The following MORC3 variants were observed in gnomAD, a reference collection of about 807,000 sequenced individuals.
The protein encoded by MORC3 is MORC family CW-type zinc finger protein 3.
A neutral mutation model predicts 109.1 loss-of-function variants in MORC3; 31 were observed. The ratio of observed to expected loss-of-function variants is 0.28; its 90% confidence interval spans 0.21 to 0.38. The LOEUF is 0.38. Among genes scored for constraint, MORC3 ranks in the 10% least tolerant of loss-of-function variants. The pLI is 1.00. For synonymous variants in MORC3, 395 were observed against 380.7 expected (o/e 1.04, Z -0.44); for missense variants, 867 against 1,135.8 (o/e 0.76, Z 3.40).
At chr21:36,340,426 C>CA (rs1319312065) in intron 5 of MORC3, among the ~76,000 whole-genome samples, 3 of 151,994 alleles carry the variant, frequency 2.0e-5, no homozygotes, top group African/African-American at 7.2e-5. Flanking sequence ...CTCATAACCC[C>CA]ACTCCCTCCT....
At chr21:36,338,056 C>A in intron 4 of MORC3, 110 bp downstream of exon 4, 1 of 1,062,754 alleles carries the variant, frequency 9.4e-7, no homozygotes, top group South Asian at 1.5e-5. Flanking sequence ...AACACCTATT[C>A]CATTTCTTAC....
At chr21:36,370,456 C>T (rs1468653095) in intron 15 of MORC3, among the ~76,000 whole-genome samples, 3 of 151,484 alleles carry the variant, frequency 2.0e-5, no homozygotes, top group Admixed American at 2.0e-4. Flanking sequence ...CTCATTAATA[C>T]AGTTAATTAT....
At chr21:36,345,845 C>G (rs1156934408) in intron 8 of MORC3, among the ~76,000 whole-genome samples, 1 of 151,824 alleles carries the variant, frequency 6.6e-6, no homozygotes, top group Non-Finnish European at 1.5e-5. Context: ...GTGTGAGCCA[C>G]CGCGCCCGGC....
At chr21:36,351,759 A>C (rs144438296) in intron 9 of MORC3, among the ~76,000 whole-genome samples, 4 of 152,210 alleles carry the variant, frequency 2.6e-5, no homozygotes, top group Admixed American at 2.6e-4. Context: ...TATAGTTGCT[A>C]TGGAGAATAG....
At chr21:36,368,291 T>C (rs577507985) in intron 14 of MORC3, among the ~76,000 whole-genome samples, 1 of 150,988 alleles carries the variant, frequency 6.6e-6, no homozygotes, top group Non-Finnish European at 1.5e-5. Context: ...TGATTACTGA[T>C]AAAAATTATT....
intron 16 of MORC3, among the ~76,000 whole-genome samples, chr21:36,374,203 C>T (rs1036516496): frequency 3.3e-5 from 5 of 152,090 alleles, no homozygotes; most frequent in Non-Finnish European, 5.9e-5. Flanking sequence ...AATTCTCCTG[C>T]CTCAGCCTCA....
chr21:36,337,480 C>T (rs2085387054), intron 3 of MORC3, among the ~76,000 whole-genome samples: 1 of 151,810 alleles, frequency 6.6e-6, no homozygotes, highest in Non-Finnish European at 1.5e-5. Flanking sequence ...ATTTGGTTTC[C>T]TTATTTCAGA....
At position 36,336,856 on chromosome 21, in the gene MORC3, C is replaced by G. The variant is rs547674940; in HGVS notation, c.113-18C>G. On this transcript the variant is annotated intron_variant, in intron 2 of 16. Coordinates refer to ENST00000400485, the MANE Select transcript of MORC3 (RefSeq NM_015358.3). ...TTAAAGTGTAAAATCAGAATTTCTTCAAACTTGTGTTTCCCAGATAATGCT... is the reference window on the plus strand; with the variant it reads ...TTAAAGTGTAAAATCAGAATTTCTTGAAACTTGTGTTTCCCAGATAATGCT... 1.3e-6 allele frequency: 2 copies of G among 1,583,924 alleles called. No individual in the cohort carries two copies. The highest frequency in any genetic ancestry group is 2.7e-5 in the African/African-American group (2 of 73,874).
Position 36,352,994 on chromosome 21 carries a change from A to G in MORC3, c.1103+3586A>G, listed in dbSNP as rs116443400. Among the ~76,000 whole-genome samples the G allele has an allele frequency of 4.5e-3, 682 of 151,860 alleles. 3 individuals are homozygous for G. The highest frequency in any genetic ancestry group is 0.016 in the African/African-American group (653 of 41,448). On this transcript the variant is annotated intron_variant, in intron 9 of 16. Coordinates refer to ENST00000400485, the MANE Select transcript of MORC3 (RefSeq NM_015358.3). ...TCTAAAAAAAAAAAAAAAGAAAACC[A>G]TCTATTAACATGTATTTCATATGTT...
intron 5 of MORC3, chr21:36,339,266 C>T (rs560975326): frequency 6.0e-6 from 1 of 166,348 alleles, no homozygotes; most frequent in Non-Finnish European, 1.3e-5. Context: ...ATTACAGTCG[C>T]CTGCCACCAT....
intron 3 of MORC3, 31 bp from the exon 4 acceptor site, chr21:36,337,697 GTATT>G (rs2085389744): frequency 2.3e-6 from 3 of 1,293,342 alleles, no homozygotes; most frequent in Non-Finnish European, 3.2e-6. Flanking sequence ...TTGATTATAG[GTATT>G]TATTTTTAAA....
At chr21:36,374,299 C>G (rs1034056618) in intron 16 of MORC3, among the ~76,000 whole-genome samples, 1 of 152,120 alleles carries the variant, frequency 6.6e-6, no homozygotes. Flanking sequence ...CCATGTTGAT[C>G]AGGCTGGTCT....
At chr21:36,367,767 A>G (rs1278993699) in intron 14 of MORC3, among the ~76,000 whole-genome samples, 1 of 152,220 alleles carries the variant, frequency 6.6e-6, no homozygotes, top group East Asian at 1.9e-4. Flanking sequence ...TTTTTTCAGA[A>G]AGAAACAGAT....
At chr21:36,339,153 C>T (rs759989259) in intron 5 of MORC3, 11 of 336,848 alleles carry the variant, frequency 3.3e-5, no homozygotes, top group African/African-American at 6.4e-5. Context: ...AAGTCTCACT[C>T]TTGTTCCCCA....
At chr21:36,329,083 G>A (rs1436738766) in intron 1 of MORC3, among the ~76,000 whole-genome samples, 1 of 151,924 alleles carries the variant, frequency 6.6e-6, no homozygotes, top group Non-Finnish European at 1.5e-5. Flanking sequence ...GCCTGAGGTC[G>A]GCAGTTCGAG....
intron 10 of MORC3, among the ~76,000 whole-genome samples, chr21:36,358,144 G>T (rs929663304): frequency 1.3e-5 from 2 of 152,026 alleles, no homozygotes; most frequent in African/African-American, 4.8e-5. Flanking sequence ...ACTTTGGGAG[G>T]CCAACCGAGG....
intron 1 of MORC3, among the ~76,000 whole-genome samples, chr21:36,330,927 G>A (rs577686400): frequency 3.9e-5 from 6 of 152,286 alleles, no homozygotes; most frequent in South Asian, 2.1e-4. Flanking sequence ...CATATTTCAC[G>A]GATGTATGCT....
intron 2 of MORC3, among the ~76,000 whole-genome samples, chr21:36,335,257 T>A (rs1344275847): frequency 2.6e-5 from 4 of 151,904 alleles, no homozygotes; most frequent in Non-Finnish European, 4.4e-5. Flanking sequence ...TATTTTAGAA[T>A]CTTTATCAAG....
chr21:36,362,330 GTCAGGAGT>G (rs1191729882), intron 13 of MORC3, 102 bp downstream of exon 13: 19 of 1,306,454 alleles, frequency 1.5e-5, no homozygotes, highest in Middle Eastern at 2.7e-4. Context: ...ATCACCTGAG[GTCAGGAGT>G]TCAAGACCAG....
Sources: gnomAD v4.1 joint callset for allele counts (sites outside exome capture counted in the v4.1 genomes callset) on GRCh38, gnomAD v4.1.1 for gene constraint, MANE v1.5 for transcripts, NCBI Gene and HGNC (gene_info 2026-07-23, HGNC 2026-07-21) for gene names.